CTNND2: variants seen among roughly 807,000 people sequenced by gnomAD.
CTNND2 encodes catenin delta 2.
A neutral mutation model predicts 144.4 loss-of-function variants in CTNND2; 22 were observed. That is an observed-to-expected ratio of 0.15 (90% confidence interval 0.11 to 0.22). The LOEUF is 0.22. Ranked by LOEUF, CTNND2 falls within the 10% of genes least tolerant of loss-of-function variation. The pLI is 1.00. For synonymous variants in CTNND2, 751 were observed against 695.6 expected, an observed-to-expected ratio of 1.08 and a Z score of -1.25; for missense variants, 1,353 against 1,618.8, an observed-to-expected ratio of 0.84 and a Z score of 2.82.
intron 16 of CTNND2, among the ~76,000 whole-genome samples, chr5:11,058,425 C>T (rs774614651): frequency 3.9e-5 from 6 of 152,368 alleles, no homozygotes; most frequent in Non-Finnish European, 8.8e-5. Flanking sequence ...AGCCCCAAGC[C>T]TTGGCAGCTC....
At chr5:11,751,094 T>G (rs1289356382) in intron 1 of CTNND2, among the ~76,000 whole-genome samples, 3 of 151,882 alleles carry the variant, frequency 2.0e-5, no homozygotes, top group African/African-American at 7.2e-5. Flanking sequence ...AAATTTCTAC[T>G]TAGGGAAACC....
intron 11 of CTNND2, among the ~76,000 whole-genome samples, chr5:11,196,019 G>T (rs1479388406): frequency 6.6e-6 from 1 of 152,178 alleles, no homozygotes; most frequent in Non-Finnish European, 1.5e-5. Flanking sequence ...TGCAAACAGG[G>T]AGCTGTTTTT....
chr5:10,982,851 G>A (rs957635418), intron 20 of CTNND2, among the ~76,000 whole-genome samples: 6 of 152,184 alleles, frequency 3.9e-5, no homozygotes, highest in South Asian at 2.1e-4. Flanking sequence ...TTGCAGCAAC[G>A]TGGTGGAACT....
At chr5:11,442,982 C>T (rs1385911464) in intron 3 of CTNND2, among the ~76,000 whole-genome samples, 1 of 147,206 alleles carries the variant, frequency 6.8e-6, no homozygotes, top group Non-Finnish European at 1.5e-5. Flanking sequence ...ATATATATTA[C>T]ATACACCATG....
At chr5:11,591,526 G>A (rs964684795) in intron 2 of CTNND2, among the ~76,000 whole-genome samples, 1 of 148,316 alleles carries the variant, frequency 6.7e-6, no homozygotes, top group Middle Eastern at 3.5e-3. Flanking sequence ...CTTCTAACAT[G>A]GTTTCATTTC....
intron 13 of CTNND2, among the ~76,000 whole-genome samples, chr5:11,111,885 C>T (rs1377463981): frequency 9.4e-5 from 14 of 148,404 alleles, no homozygotes; most frequent in Non-Finnish European, 1.5e-4. Flanking sequence ...CTCGCTTTGT[C>T]GCCCAGGCTG....
At chr5:11,481,889 C>A (rs1346045109) in intron 3 of CTNND2, among the ~76,000 whole-genome samples, 2 of 152,156 alleles carry the variant, frequency 1.3e-5, no homozygotes, top group Non-Finnish European at 2.9e-5. Flanking sequence ...ACACGGACAG[C>A]CTGTGCAGGC....
At chr5:11,766,877 A>G (rs1789619831) in intron 1 of CTNND2, among the ~76,000 whole-genome samples, 2 of 152,292 alleles carry the variant, frequency 1.3e-5, no homozygotes, top group Admixed American at 6.5e-5. Context: ...TAAGTCAGAA[A>G]TGTTCACGGT....
At chr5:11,742,957 AAAAG>A (rs1788099673) in intron 1 of CTNND2, among the ~76,000 whole-genome samples, 1 of 152,220 alleles carries the variant, frequency 6.6e-6, no homozygotes, top group African/African-American at 2.4e-5. Flanking sequence ...TATCGCTACC[AAAAG>A]AAATAGGCAT....
At chr5:11,534,323 C>T (rs1774021575) in intron 3 of CTNND2, among the ~76,000 whole-genome samples, 1 of 152,044 alleles carries the variant, frequency 6.6e-6, no homozygotes, top group South Asian at 2.1e-4. Context: ...GGACAGAAAT[C>T]CTGAGGGTGC....
chr5:11,381,004 C>A (rs1399022872), intron 7 of CTNND2, among the ~76,000 whole-genome samples: 2 of 152,190 alleles, frequency 1.3e-5, no homozygotes, highest in Non-Finnish European at 2.9e-5. Context: ...CTGCAGCCCA[C>A]TCCCTCTCAA....
chr5:11,649,876 T>C (rs1782557236), intron 2 of CTNND2, among the ~76,000 whole-genome samples: 1 of 152,200 alleles, frequency 6.6e-6, no homozygotes. Flanking sequence ...GACTTTGGCA[T>C]TATTATTATT....
Position 11,318,661 on chromosome 5 carries a change from C to T in CTNND2, c.1628+27711G>A, listed in dbSNP as rs977988926. On this transcript the variant is annotated intron_variant, in intron 9 of 21. Coordinates refer to ENST00000304623, the MANE Select transcript of CTNND2 (RefSeq NM_001332.4). The stretch of plus-strand genomic sequence containing the variant: ...TGCTTTTGTGAAAATGTAGACAAAT[C>T]GTCCCCTTTCCCTTTGACACCACTA... Among the ~76,000 whole-genome samples, 4 of 152,128 alleles carry T rather than the reference C, an allele frequency of 2.6e-5. No individual in the cohort carries two copies. The South Asian group carries it at 6.2e-4, about 24-fold the overall frequency.
At chr5:11,030,754 G>GTT (rs61312361) in intron 16 of CTNND2, among the ~76,000 whole-genome samples, 169 of 100,736 alleles carry the variant, frequency 1.7e-3, no homozygotes, top group East Asian at 5.1e-3. Flanking sequence ...TATGGTTTCT[G>GTT]TTTTTTTTTT....
At chr5:10,991,374 G>A (rs1177238515) in intron 19 of CTNND2, among the ~76,000 whole-genome samples, 2 of 152,348 alleles carry the variant, frequency 1.3e-5, no homozygotes, top group East Asian at 3.9e-4. Context: ...GAGAAGAGTA[G>A]GAAGAAAGCT....
In CTNND2 at chr5:11,230,327, C is replaced by G. The variant is rs375962046; in HGVS notation, c.1761+6364G>C. ...GCACATGTATACATATGTAACTAAC[C>G]TGTACAATGTGCACATGTACCCTAA... is the stretch of plus-strand genomic sequence containing the variant. On this transcript the variant is annotated intron_variant, in intron 10 of 21. Coordinates refer to ENST00000304623, the MANE Select transcript of CTNND2 (RefSeq NM_001332.4). Among the ~76,000 whole-genome samples, 107 of 149,136 alleles carry G rather than the reference C, an allele frequency of 7.2e-4. 1 individual carries two copies. The highest frequency in any genetic ancestry group is 2.2e-3 in the African/African-American group (87 of 40,210).
In CTNND2 at chr5:11,776,512, T is replaced by C. The variant is rs550611462; in HGVS notation, c.38-44240A>G. Among the ~76,000 whole-genome samples, 48 of 152,288 alleles carry C rather than the reference T, an allele frequency of 3.2e-4. 1 individual carries two copies. Among genetic ancestry groups the C allele is most frequent in the Non-Finnish European group, 2.9e-5 (2 of 68,008 alleles). On this transcript the variant is annotated intron_variant, in intron 1 of 21. Coordinates refer to ENST00000304623, the MANE Select transcript of CTNND2 (RefSeq NM_001332.4). ...AAACAGCTTTCATTATTTGAATAGA[T>C]ACTATTTTGCTAGGCTTATTGCATA...
At chr5:11,165,204 C>T (rs1759194153) in intron 11 of CTNND2, among the ~76,000 whole-genome samples, 1 of 152,168 alleles carries the variant, frequency 6.6e-6, no homozygotes, top group Non-Finnish European at 1.5e-5. Flanking sequence ...TTTGAATCTA[C>T]AGAAATTCCA....
chr5:11,903,152 A>G lies in CTNND2; in HGVS notation c.37+665T>C. On this transcript the variant is annotated intron_variant, in intron 1 of 21. Coordinates refer to ENST00000304623, the MANE Select transcript of CTNND2 (RefSeq NM_001332.4). The surrounding 1 kb of genome is among the most constrained non-coding windows in gnomAD (Gnocchi z 5.4). ...ATTTTGCATCGCTCATCTCCCATAC[A>G]CACGCACAGCCTTCCAAACCTGGCT... 1 of 982,342 alleles carries G rather than the reference A, an allele frequency of 1.0e-6. No homozygotes were observed. The highest frequency in any genetic ancestry group is 1.2e-6 in the Non-Finnish European group (1 of 827,106). The allele number at this position is 982,342 out of a possible 1,614,324, so 60.9% of individuals were successfully genotyped here.
Sources: allele counts gnomAD v4.1 joint callset (sites outside exome capture counted in the v4.1 genomes callset), GRCh38; gene constraint gnomAD v4.1.1; non-coding constraint Gnocchi (gnomAD v3.1); transcripts MANE v1.5; gene names NCBI Gene and HGNC (gene_info 2026-07-23, HGNC 2026-07-21).